Variants in ARHGAP5 observed in about 807,000 individuals in gnomAD.
ARHGAP5 encodes the protein Rho GTPase activating protein 5.
ARHGAP5 carries 23 observed loss-of-function variants against 116.6 expected under a neutral mutation model. The observed-to-expected ratio is 0.20, with a 90% CI of 0.14 to 0.28. The LOEUF is 0.28. Ranked by LOEUF, ARHGAP5 falls within the 10% of genes least tolerant of loss-of-function variation. ARHGAP5 has a pLI of 1.00. For missense variants in ARHGAP5, 1,405 were observed against 1,774.8 expected, an observed-to-expected ratio of 0.79 and a Z score of 3.74; for synonymous variants, 574 against 602.0, an observed-to-expected ratio of 0.95 and a Z score of 0.68.
intron 2 of ARHGAP5, among the ~76,000 whole-genome samples, 199 bp from the exon 3 acceptor site, chr14:32,116,941 T>C (rs1179325299): frequency 6.6e-6 from 1 of 151,094 alleles, no homozygotes; most frequent in African/African-American, 2.4e-5. Context: ...CAATAAGCCA[T>C]TTTTTTTTCT....
intron 2 of ARHGAP5, among the ~76,000 whole-genome samples, chr14:32,097,644 T>C (rs1329126045): frequency 2.0e-5 from 3 of 152,052 alleles, no homozygotes; most frequent in African/African-American, 7.2e-5. Context: ...AAGAAAAGCA[T>C]GAGTGCTGGA....
chr14:32,094,172 A>G lies in ARHGAP5; in HGVS notation c.3503A>G (p.Tyr1168Cys), dbSNP rs1441260169. The G allele has an allele frequency of 4.3e-6, 7 of 1,612,968 alleles. No individual in the cohort carries two copies. Among genetic ancestry groups the G allele is most frequent in the African/African-American group, 1.3e-5 (1 of 74,802 alleles). ...TTGTTTAGTAAAGCCAAGTCATACT[A>G]TAGAAGAACACATTCAGATGCCAGT... is the stretch of plus-strand genomic sequence containing the variant. ...KTLFSKAKSY[Y>C]RRTHSDASDD... The change falls in exon 2 of 7, where the codon TAT becomes TGT. Residue 1168 changes from tyrosine (Y) to cysteine (C), a missense_variant. Physicochemically the swap from Tyr to Cys is radical, Grantham distance 194 (BLOSUM62 -2). Transcript: ENST00000345122.
intron 3 of ARHGAP5, among the ~76,000 whole-genome samples, chr14:32,138,539 C>A (rs1353219130): frequency 6.6e-6 from 1 of 152,200 alleles, no homozygotes; most frequent in Non-Finnish European, 1.5e-5. Context: ...CCGCCTCAGC[C>A]TCCCAAAGTG....
chr14:32,154,271 C>G, intron 6 of ARHGAP5: 1 of 198,818 alleles, frequency 5.0e-6, no homozygotes, highest in South Asian at 9.4e-5. Flanking sequence ...CTGCCTCAGC[C>G]TCCCAAGTAG....
intron 4 of ARHGAP5, 47 bp from the exon 5 acceptor site, chr14:32,149,855 A>G: frequency 8.6e-7 from 1 of 1,166,362 alleles, no homozygotes; most frequent in Non-Finnish European, 1.1e-6. Context: ...TTGCTTCTAT[A>G]ATAAAGTTTT....
intron 3 of ARHGAP5, among the ~76,000 whole-genome samples, chr14:32,140,398 G>A (rs542057734): frequency 2.0e-4 from 30 of 151,274 alleles, no homozygotes; most frequent in African/African-American, 7.3e-4. Flanking sequence ...TGGCTAACAC[G>A]GTGAAACCCC....
intron 3 of ARHGAP5, among the ~76,000 whole-genome samples, chr14:32,121,364 C>T (rs1481175043): frequency 1.3e-5 from 2 of 152,056 alleles, no homozygotes; most frequent in African/African-American, 2.4e-5. Flanking sequence ...TTTTATGTAT[C>T]TTCATTTCTA....
In ARHGAP5 at chr14:32,123,349, A is replaced by G. The variant is rs144774554; in HGVS notation, c.3865+6062A>G. ...TTATTCGTGTGTTAGACCTCTAGGA[A>G]TTGTTTAAAACTTTTTTTTTCTGTA... On this transcript the variant is annotated intron_variant, in intron 3 of 6. Transcript: ENST00000345122. Among the ~76,000 whole-genome samples the G allele has an allele frequency of 1.8e-3, 279 of 152,008 alleles. 1 individual carries two copies. The highest frequency in any genetic ancestry group is 6.5e-3 in the African/African-American group (268 of 41,492).
intron 3 of ARHGAP5, among the ~76,000 whole-genome samples, chr14:32,127,086 C>T (rs539254027): frequency 6.6e-6 from 1 of 151,268 alleles, no homozygotes; most frequent in South Asian, 2.1e-4. Context: ...CGACCTCCAC[C>T]TCCTGGGTTC....
At chr14:32,103,028 C>T (rs935605700) in intron 2 of ARHGAP5, among the ~76,000 whole-genome samples, 5 of 152,184 alleles carry the variant, frequency 3.3e-5, no homozygotes, top group African/African-American at 1.2e-4. Context: ...TTCATCTCAT[C>T]TGGAAAGAAT....
intron 3 of ARHGAP5, among the ~76,000 whole-genome samples, chr14:32,140,066 CTT>C (rs764763402): frequency 1.3e-3 from 36 of 28,012 alleles, no homozygotes; most frequent in African/African-American, 3.7e-3. Context: ...TTTTCTCTCT[CTT>C]TTTTTTTTTT....
chr14:32,115,689 C>T (rs1282975573), intron 2 of ARHGAP5, among the ~76,000 whole-genome samples: 2 of 136,892 alleles, frequency 1.5e-5, no homozygotes, highest in Non-Finnish European at 3.1e-5. Context: ...AAAAAAGCAT[C>T]GGCTGGGTGC....
chr14:32,143,233 G>A (rs1256312711), intron 3 of ARHGAP5, among the ~76,000 whole-genome samples: 3,592 of 149,266 alleles, frequency 0.024, 156 homozygotes, highest in African/African-American at 0.085. Context: ...TGTTGTTGTT[G>A]TTGTTGTTAT....
intron 3 of ARHGAP5, among the ~76,000 whole-genome samples, chr14:32,141,898 T>A (rs1022002672): frequency 6.6e-6 from 1 of 152,174 alleles, no homozygotes; most frequent in African/African-American, 2.4e-5. Flanking sequence ...TGAATATACC[T>A]TATATGTGAC....
At position 32,156,880 on chromosome 14, in the gene ARHGAP5, C is replaced by G. The variant is rs939444180; in HGVS notation, c.*1932C>G. 3 of 152,302 alleles carry G rather than the reference C, an allele frequency of 2.0e-5. No homozygotes were observed. Among genetic ancestry groups the G allele is most frequent in the Admixed American group, 6.6e-5 (1 of 15,254 alleles). 9.4% of individuals were successfully genotyped at this position (152,302 alleles called of 1,614,324 possible). A position where few individuals can be genotyped will look rare whatever the true frequency, so the allele number is the denominator to read the frequency against. ...CTGACTATTTCTATTTGGAAGTAGG[C>G]TGAAAAGAGAATTTTCAAAACTGTT... is the stretch of plus-strand genomic sequence containing the variant. On this transcript the variant is annotated 3_prime_UTR_variant, in exon 7 of 7. Coordinates refer to ENST00000345122, the MANE Select transcript of ARHGAP5 (RefSeq NM_001030055.2).
chr14:32,147,041 A>G (rs969029922), intron 4 of ARHGAP5, among the ~76,000 whole-genome samples: 2 of 152,214 alleles, frequency 1.3e-5, no homozygotes, highest in African/African-American at 4.8e-5. Flanking sequence ...CAGATTTAGA[A>G]AAGCAGTAAT....
chr14:32,149,999 A>G lies in ARHGAP5; in HGVS notation c.4041A>G (p.Pro1347=). The G allele has an allele frequency of 6.2e-7, 1 of 1,607,748 alleles. No homozygotes were observed. Among genetic ancestry groups the G allele is most frequent in the Non-Finnish European group, 8.5e-7 (1 of 1,177,132 alleles). Residue 1347 remains proline, a synonymous_variant, in exon 5 of 7, where the codon CCA becomes CCG. Transcript: ENST00000345122. ...CAGATCTGCCAGATCCTTTAATTCC[A>G]TATTCTCTTCATCCAGAACTATTGG... The part of the protein sequence containing the change: ...FFADLPDPLI[P]YSLHPELLEA...
chr14:32,101,413 TGAC>T (rs1344857269), intron 2 of ARHGAP5, among the ~76,000 whole-genome samples: 1 of 152,200 alleles, frequency 6.6e-6, no homozygotes, highest in African/African-American at 2.4e-5. Context: ...GGTTTAGCAT[TGAC>T]TTCTGATTTC....
chr14:32,108,090 T>A (rs1879098417), intron 2 of ARHGAP5, among the ~76,000 whole-genome samples: 1 of 152,136 alleles, frequency 6.6e-6, no homozygotes, highest in Non-Finnish European at 1.5e-5. Context: ...AAGAAAAAAG[T>A]TTCTTATTCA....
Sources: gnomAD v4.1 joint callset for allele counts (sites outside exome capture counted in the v4.1 genomes callset) on GRCh38, gnomAD v4.1.1 for gene constraint, MANE v1.5 for transcripts, NCBI Gene and HGNC (gene_info 2026-07-23, HGNC 2026-07-21) for gene names.